Variants in HMCN2 observed in about 807,000 individuals in gnomAD.
HMCN2 encodes hemicentin-2.
Under a neutral mutation model 377.5 loss-of-function variants are expected in HMCN2, and 325 were observed. The observed-to-expected ratio is 0.86, with a 90% CI of 0.79 to 0.94. HMCN2 has a LOEUF of 0.94. Among genes scored for constraint, HMCN2 ranks in the 40% least tolerant of loss-of-function variants. HMCN2 has a pLI of 0.00. For synonymous variants in HMCN2, 2,007 were observed against 2,046.8 expected, an observed-to-expected ratio of 0.98 and a Z score of 0.53; for missense variants, 4,543 against 4,725.3, an observed-to-expected ratio of 0.96 and a Z score of 1.13.
At chr9:130,285,475 C>T (rs549611667) in intron 3 of HMCN2, among the ~76,000 whole-genome samples, 159 bp downstream of exon 3, 25 of 152,298 alleles carry the variant, frequency 1.6e-4, no homozygotes, top group African/African-American at 5.5e-4. Flanking sequence ...GCCAGAGCCT[C>T]CGAACCAAGT....
chr9:130,330,854 T>C (rs1838387288), intron 22 of HMCN2, among the ~76,000 whole-genome samples: 2 of 151,966 alleles, frequency 1.3e-5, no homozygotes, highest in African/African-American at 4.8e-5. Flanking sequence ...AATAGACCGG[T>C]CATGGTGGCT....
In HMCN2 at chr9:130,336,743, A is replaced by G. The variant is rs1036512410; in HGVS notation, c.3360-1151A>G. Among the ~76,000 whole-genome samples the G allele has an allele frequency of 3.3e-5, 5 of 152,170 alleles. No individual in the cohort carries two copies. In the South Asian group the frequency reaches 1.0e-3, roughly 32 times the overall value. On this transcript the variant is annotated intron_variant, in intron 22 of 97. Coordinates refer to ENST00000683500, the MANE Select transcript of HMCN2 (RefSeq NM_001291815.2). ...ATTGCACTACTCTGCAGATGGGGAG[A>G]CAGAGTTCTCAGCTGGTAGCCCGAG... is the stretch of plus-strand genomic sequence containing the variant.
rs1362510248 is a variant in HMCN2, at chr9:130,321,778, C to T, written c.2776-9C>T. On this transcript the variant is annotated splice_polypyrimidine_tract_variant and intron_variant, in intron 18 of 97. Transcript: ENST00000683500. ...CAAGGCTAAGCTGGTGCTTCCTCAC[C>T]CCCACCAGCTCCCACCTGGCAGCCG... The T allele has an allele frequency of 6.6e-6, 1 of 152,274 alleles. No individual in the cohort carries two copies. Among genetic ancestry groups the T allele is most frequent in the African/African-American group, 2.4e-5 (1 of 41,436 alleles). 9.4% of individuals were successfully genotyped at this position (152,274 alleles called of 1,614,324 possible).
In HMCN2 at chr9:130,394,962, G is replaced by C. The variant is rs1842528956; in HGVS notation, c.10693-65G>C. 9.1e-7 allele frequency: 1 copy of C among 1,101,140 alleles called. No homozygotes were observed. The allele number at this position is 1,101,140 out of a possible 1,614,324, so 68.2% of individuals were successfully genotyped here. On this transcript the variant is annotated intron_variant, in intron 69 of 97. Coordinates refer to ENST00000683500, the MANE Select transcript of HMCN2 (RefSeq NM_001291815.2). This position sits in a 1 kb window ranked among gnomAD's most constrained non-coding sequence, Gnocchi z 5.1. ...CCTGGGTCCCTCGATGCATGAGAAA[G>C]AAACCAGATTGGGAGGCGGGCAGAG...
rs782301966 is a variant in HMCN2 at position 130,294,945 on chromosome 9, C to T, written c.703C>T (p.Leu235Phe). 4.2e-6 allele frequency: 2 copies of T among 470,936 alleles called. No homozygotes were observed. Among genetic ancestry groups the T allele is most frequent in the South Asian group, 3.1e-5 (2 of 64,506 alleles). 29.2% of individuals were successfully genotyped at this position (470,936 alleles called of 1,614,324 possible). A position where few individuals can be genotyped will look rare whatever the true frequency, so the allele number is the denominator to read the frequency against. ...GGAGGAGGGGGAGCACACATGGAGACTCCCCTTTGACCCCAGCCTGAAGGA... is the reference window on the plus strand; with the variant it reads ...GGAGGAGGGGGAGCACACATGGAGATTCCCCTTTGACCCCAGCCTGAAGGA... ...HEEEGEHTWRLPFDPSLKEVT... is the reference protein window; with the variant it reads ...HEEEGEHTWRFPFDPSLKEVT... The change falls in exon 5 of 98, where the codon CTC (leucine) becomes TTC (phenylalanine). Residue 235 changes from leucine (L) to phenylalanine (F), a missense_variant. Coordinates refer to ENST00000683500, the MANE Select transcript of HMCN2 (RefSeq NM_001291815.2).
Position 130,425,917 on chromosome 9 carries a change from G to A in HMCN2, c.13872G>A (p.Leu4624=), listed in dbSNP as rs968441502. Residue 4624 remains leucine (L), a synonymous_variant, in exon 90 of 98, where the codon CTG becomes CTA. Coordinates refer to ENST00000683500, the MANE Select transcript of HMCN2 (RefSeq NM_001291815.2). ...EALRFQLATA[L]QAEENEVGCP... is the part of the protein sequence containing the mutation. ...TGCGCTTCCAGCTCGCTACAGCCCT[G>A]CAGGCGGGTGAGGCCCCTCTGCTTT... The A allele has an allele frequency of 1.1e-5, 17 of 1,547,028 alleles. No individual in the cohort carries two copies. The African/African-American group carries it at 1.8e-4, about 16-fold the overall frequency.
At position 130,384,524 on chromosome 9, in the gene HMCN2, C is replaced by T. The variant is rs1219830337; in HGVS notation, c.8982C>T (p.Phe2994=). ...CCCTCTCCCTGGGTGAAGAGGTCTT[C>T]CTCCTGCCTGGTGGGTAAACTGAGG... The part of the protein sequence containing the change: ...SQALSLGEEV[F]LLPGTHTLQL... Residue 2994 remains phenylalanine, a synonymous_variant, in exon 58 of 98, where the codon TTC becomes TTT. Coordinates refer to ENST00000683500, the MANE Select transcript of HMCN2 (RefSeq NM_001291815.2). The T allele has an allele frequency of 2.3e-6, 3 of 1,304,282 alleles. No individual in the cohort carries two copies. The highest frequency in any genetic ancestry group is 3.0e-6 in the Non-Finnish European group (3 of 988,956). 80.8% of individuals were successfully genotyped at this position (1,304,282 alleles called of 1,614,324 possible). A position where few individuals can be genotyped will look rare whatever the true frequency, so the allele number is the denominator to read the frequency against.
In HMCN2 at chr9:130,303,155, A is replaced by G. The variant is rs571573153; in HGVS notation, c.1421+154A>G. 3.9e-5 allele frequency among the ~76,000 whole-genome samples: 6 copies of G among 152,306 alleles called. No individual in the cohort carries two copies. The East Asian group carries it at 1.2e-3, about 29-fold the overall frequency. On this transcript the variant is annotated intron_variant, in intron 9 of 97. Transcript: ENST00000683500. This position sits in a 1 kb window ranked among gnomAD's most constrained non-coding sequence, Gnocchi z 5.2. ...CCAGCCTGGGACTTCCAGTGCAGCCAGGGATGGAGAGGAGTTTTTCCGAGA... is the reference window on the plus strand; with the variant it reads ...CCAGCCTGGGACTTCCAGTGCAGCCGGGGATGGAGAGGAGTTTTTCCGAGA...
intron 36 of HMCN2, 133 bp downstream of exon 36, chr9:130,358,619 G>A (rs1305606669): frequency 1.1e-5 from 8 of 754,310 alleles, no homozygotes; most frequent in Non-Finnish European, 1.6e-5. Context: ...AACTTCAGAG[G>A]AAGTAGAAAG....
At chr9:130,425,955 C>T (rs1346656198) in intron 90 of HMCN2, 31 bp downstream of exon 90, 1 of 1,492,690 alleles carries the variant, frequency 6.7e-7, no homozygotes, top group Admixed American at 2.0e-5. Context: ...TCCACCCCCA[C>T]TGCCCCAGCT....
At chr9:130,275,008 C>T (rs1449022752) in intron 1 of HMCN2, among the ~76,000 whole-genome samples, 1 of 152,200 alleles carries the variant, frequency 6.6e-6, no homozygotes, top group Non-Finnish European at 1.5e-5. Context: ...GGAGCATTTT[C>T]CATTTGGAAA....
chr9:130,378,962 T>A (rs1437567896), intron 53 of HMCN2, among the ~76,000 whole-genome samples: 3 of 152,150 alleles, frequency 2.0e-5, no homozygotes, highest in African/African-American at 7.2e-5. Flanking sequence ...AAGCTTAGTA[T>A]CTGGCTTCCA....
In HMCN2 at chr9:130,427,636, G is replaced by C; in HGVS notation, c.14065+17G>C. The stretch of plus-strand genomic sequence containing the variant: ...ACTGCAGAGGTGAGGGAGCTGCCGG[G>C]AGGAGGGAGGAGACGCGCTCCTCAG... On this transcript the variant is annotated intron_variant, in intron 92 of 97. Coordinates refer to ENST00000683500, the MANE Select transcript of HMCN2 (RefSeq NM_001291815.2). 1.3e-6 allele frequency: 2 copies of C among 1,546,224 alleles called. No individual in the cohort carries two copies. The highest frequency in any genetic ancestry group is 1.7e-6 in the Non-Finnish European group (2 of 1,145,322).
intron 39 of HMCN2, 83 bp from the exon 40 acceptor site, chr9:130,362,784 G>A (rs1191690568): frequency 7.2e-6 from 7 of 967,976 alleles, no homozygotes; most frequent in Non-Finnish European, 8.6e-6. Flanking sequence ...CAGCAAGGCC[G>A]GCTTGGGCAG....
At chr9:130,359,268 C>A in intron 36 of HMCN2, 51 bp from the exon 37 acceptor site, 1 of 1,025,194 alleles carries the variant, frequency 9.8e-7, no homozygotes, top group Non-Finnish European at 1.4e-6. Context: ...GGGATTAGAG[C>A]TGCCCAGAGC....
At chr9:130,387,365 C>T (rs1326485071) in intron 61 of HMCN2, among the ~76,000 whole-genome samples, 3 of 152,240 alleles carry the variant, frequency 2.0e-5, no homozygotes, top group South Asian at 2.1e-4. Flanking sequence ...GTGGGTAGCT[C>T]GGCTCCATGC....
chr9:130,411,652 G>A (rs1271907425), intron 85 of HMCN2, among the ~76,000 whole-genome samples: 1 of 151,178 alleles, frequency 6.6e-6, no homozygotes, highest in East Asian at 1.9e-4. Flanking sequence ...TCTGACACAG[G>A]CTACAACATA....
rs1249194728 is a variant in HMCN2 at position 130,394,995 on chromosome 9, A to C, written c.10693-32A>C. ...ATTGGGAGGCGGGCAGAGAGGGGCC[A>C]GGGGCAGCTGCTCAACCCGCTCCAT... is the stretch of plus-strand genomic sequence containing the variant. On this transcript the variant is annotated intron_variant, in intron 69 of 97. Coordinates refer to ENST00000683500, the MANE Select transcript of HMCN2 (RefSeq NM_001291815.2). The surrounding 1 kb of genome is among the most constrained non-coding windows in gnomAD (Gnocchi z 5.1). The C allele has an allele frequency of 8.0e-6, 10 of 1,248,186 alleles. No homozygotes were observed. The highest frequency in any genetic ancestry group is 1.0e-5 in the Non-Finnish European group (10 of 957,740). The allele number at this position is 1,248,186 out of a possible 1,614,324, so 77.3% of individuals were successfully genotyped here. A position where few individuals can be genotyped will look rare whatever the true frequency, so the allele number is the denominator to read the frequency against.
intron 81 of HMCN2, among the ~76,000 whole-genome samples, chr9:130,405,540 G>A (rs11244196): frequency 2.6e-5 from 4 of 151,724 alleles, no homozygotes; most frequent in Non-Finnish European, 5.9e-5. Flanking sequence ...CATTGGACCC[G>A]GCCACCCAGG....
Sources: gnomAD v4.1 joint callset for allele counts (sites outside exome capture counted in the v4.1 genomes callset) on GRCh38, gnomAD v4.1.1 for gene constraint, Gnocchi (gnomAD v3.1) non-coding constraint, MANE v1.5 for transcripts, NCBI Gene and HGNC (gene_info 2026-07-23, HGNC 2026-07-21) for gene names.